CCDC171: variants seen among roughly 807,000 people sequenced by gnomAD.
CCDC171 encodes the protein coiled-coil domain containing 171, also known as coiled-coil domain-containing protein 171.
In CCDC171, 177 loss-of-function variants were observed where a neutral mutation model predicts 168.2. The observed-to-expected ratio is 1.05, with a 90% confidence interval of 0.93 to 1.19. The LOEUF is 1.19. Ranked by LOEUF, CCDC171 falls within the 50% of genes most tolerant of loss-of-function variation. The probability of loss-of-function intolerance (pLI) is 0.00; values close to 1 mark genes in which losing one functional copy is unlikely to be tolerated. For missense variants in CCDC171, 1,991 were observed against 1,539.0 expected (o/e 1.29, Z -4.91); for synonymous variants, 687 against 540.8 (o/e 1.27, Z -3.75).
At chr9:15,947,399 T>C (rs1828535479) in intron 25 of CCDC171, among the ~76,000 whole-genome samples, 1 of 151,994 alleles carries the variant, frequency 6.6e-6, no homozygotes, top group Admixed American at 6.6e-5. Flanking sequence ...ATTCTATTTT[T>C]TCTCTATTAT....
chr9:15,825,239 T>C (rs1229667732), intron 21 of CCDC171, among the ~76,000 whole-genome samples: 1 of 152,104 alleles, frequency 6.6e-6, no homozygotes, highest in Non-Finnish European at 1.5e-5. Flanking sequence ...ACCAACCACA[T>C]GATTGATAAC....
intron 21 of CCDC171, among the ~76,000 whole-genome samples, chr9:15,788,708 C>A (rs974578217): frequency 4.0e-5 from 6 of 151,774 alleles, no homozygotes; most frequent in African/African-American, 1.5e-4. Context: ...TGCCACCACA[C>A]CCTGCTAATT....
chr9:15,822,241 C>T (rs915644887), intron 21 of CCDC171, among the ~76,000 whole-genome samples: 1 of 152,030 alleles, frequency 6.6e-6, no homozygotes, highest in African/African-American at 2.4e-5. Context: ...TAGAAGAAAA[C>T]CTAGGCAATA....
intron 16 of CCDC171, among the ~76,000 whole-genome samples, chr9:15,742,296 A>C (rs1229992633): frequency 6.6e-6 from 1 of 152,186 alleles, no homozygotes; most frequent in Non-Finnish European, 1.5e-5. Flanking sequence ...GATAAAGTTA[A>C]GTTTCTTAGT....
intron 21 of CCDC171, among the ~76,000 whole-genome samples, chr9:15,831,272 C>T (rs933589309): frequency 6.6e-6 from 1 of 151,910 alleles, no homozygotes; most frequent in Non-Finnish European, 1.5e-5. Flanking sequence ...ATACCCGGCC[C>T]TTAATTTTTA....
At chr9:15,784,434 T>A (rs1052458368) in intron 20 of CCDC171, 75 bp from the exon 21 acceptor site, 3 of 904,234 alleles carry the variant, frequency 3.3e-6, no homozygotes, top group Non-Finnish European at 5.0e-6. Flanking sequence ...TTATATTCCT[T>A]TAGTTTTGAA....
chr9:15,998,920 C>T (rs527727744), intron 3 of CCDC171, among the ~76,000 whole-genome samples: 2 of 152,272 alleles, frequency 1.3e-5, no homozygotes, highest in East Asian at 3.9e-4. Context: ...TTGAATTTCT[C>T]ATTCCCCAAA....
At chr9:15,717,635 T>G (rs978245790) in intron 11 of CCDC171, among the ~76,000 whole-genome samples, 1 of 152,194 alleles carries the variant, frequency 6.6e-6, no homozygotes, top group African/African-American at 2.4e-5. Context: ...GCAACTTGGA[T>G]ACCAGCTTAG....
intron 1 of CCDC171, among the ~76,000 whole-genome samples, chr9:16,044,763 C>T (rs1441313118): frequency 2.0e-5 from 3 of 152,144 alleles, no homozygotes; most frequent in Non-Finnish European, 4.4e-5. Flanking sequence ...ATTGTTTTTA[C>T]AATTCCCATG....
chr9:15,594,133 A>C lies in CCDC171; in HGVS notation c.636A>C (p.Gln212His), dbSNP rs755082118. 6.1e-6 allele frequency: 9 copies of C among 1,483,270 alleles called. No individual in the cohort carries two copies. The highest frequency in any genetic ancestry group is 5.8e-5 in the South Asian group (5 of 86,400). 91.9% of individuals were successfully genotyped at this position (1,483,270 alleles called of 1,614,324 possible). A position where few individuals can be genotyped will look rare whatever the true frequency, so the allele number is the denominator to read the frequency against. ...AGGAGTTTAGATTACAAGAAGAACA[A>C]TGGGAAGCAGAAAGAAGAGAATTAC... ...ALEEFRLQEEQWEAERRELQF... is the reference protein window; with the variant it reads ...ALEEFRLQEEHWEAERRELQF... The change falls in exon 6 of 26, where the codon CAA becomes CAC. Residue 212 changes from glutamine (Q) to histidine (H), a missense_variant. Gln to His is a conservative substitution (Grantham distance 24, BLOSUM62 0). Coordinates refer to ENST00000380701, the MANE Select transcript of CCDC171 (RefSeq NM_173550.4).
At chr9:15,937,010 C>T (rs1827195174) in intron 25 of CCDC171, among the ~76,000 whole-genome samples, 1 of 152,036 alleles carries the variant, frequency 6.6e-6, no homozygotes, top group African/African-American at 2.4e-5. Flanking sequence ...GTTAACTTTG[C>T]ACTTTATCAA....
intron 8 of CCDC171, among the ~76,000 whole-genome samples, chr9:15,659,121 G>T (rs562364389): frequency 6.6e-6 from 1 of 152,268 alleles, no homozygotes; most frequent in African/African-American, 2.4e-5. Context: ...GAGGTTCATA[G>T]TGCCCTTTGA....
chr9:15,937,589 G>T (rs1827251957), intron 25 of CCDC171, among the ~76,000 whole-genome samples: 2 of 151,808 alleles, frequency 1.3e-5, no homozygotes, highest in African/African-American at 2.4e-5. Context: ...TTTTAAAGTA[G>T]ACATTATTTT....
intron 23 of CCDC171, among the ~76,000 whole-genome samples, chr9:15,849,883 T>C (rs1224980451): frequency 6.6e-6 from 1 of 151,796 alleles, no homozygotes; most frequent in African/African-American, 2.4e-5. Flanking sequence ...TTAAAAACAA[T>C]GGGCCCCTGT....
downstream of CCDC171, among the ~76,000 whole-genome samples, chr9:16,065,276 G>A (rs114509116): frequency 0.014 from 2,116 of 152,182 alleles, 45 homozygotes; most frequent in African/African-American, 0.047. Context: ...CTCCATTATT[G>A]CTGCCTGCCC....
chr9:16,015,167 A>G (rs1352731921), intron 3 of CCDC171, among the ~76,000 whole-genome samples: 3 of 152,208 alleles, frequency 2.0e-5, no homozygotes, highest in Non-Finnish European at 4.4e-5. Flanking sequence ...GATTTTAGCT[A>G]GATCCTCTGG....
intron 7 of CCDC171, 58 bp downstream of exon 7, chr9:15,623,471 GCGCGCACACACACACACA>G: frequency 4.0e-6 from 2 of 505,242 alleles, no homozygotes; most frequent in Non-Finnish European, 6.5e-6. Flanking sequence ...ATATGCGCGC[GCGCGCACACACACACACA>G]CACACACACA....
At chr9:15,772,099 G>T (rs767510757) in intron 18 of CCDC171, among the ~76,000 whole-genome samples, 6 of 152,170 alleles carry the variant, frequency 3.9e-5, no homozygotes, top group Non-Finnish European at 7.3e-5. Flanking sequence ...CACCCAAAGT[G>T]CTGGGATTAC....
At chr9:15,623,671 G>C (rs1304764539) in intron 7 of CCDC171, among the ~76,000 whole-genome samples, 2 of 151,964 alleles carry the variant, frequency 1.3e-5, no homozygotes, top group Non-Finnish European at 2.9e-5. Context: ...GTTCACTTTT[G>C]AACAATTAAC....
Sources: gnomAD v4.1 joint callset for allele counts (sites outside exome capture counted in the v4.1 genomes callset) on GRCh38, gnomAD v4.1.1 for gene constraint, MANE v1.5 for transcripts, NCBI Gene and HGNC (gene_info 2026-07-23, HGNC 2026-07-21) for gene names.